Variants in DAB1 observed in about 807,000 individuals in gnomAD.
DAB1 encodes DAB adaptor protein 1, also known as disabled homolog 1.
DAB1 carries 15 observed loss-of-function variants against 64.6 expected under a neutral mutation model. The ratio of observed to expected loss-of-function variants is 0.23; its 90% CI spans 0.16 to 0.36. The LOEUF (loss-of-function observed/expected upper bound fraction) is 0.36, where lower values mean the gene tolerates loss of function less well. DAB1 is among the 10% of genes least tolerant of loss of function. The probability of loss-of-function intolerance (pLI) is 1.00; values close to 1 mark genes in which losing one functional copy is unlikely to be tolerated. For missense variants in DAB1, 596 were observed against 706.7 expected, an observed-to-expected ratio of 0.84 and a Z score of 1.78; for synonymous variants, 235 against 251.9, an observed-to-expected ratio of 0.93 and a Z score of 0.64.
intron 1 of DAB1, among the ~76,000 whole-genome samples, chr1:58,529,043 T>A (rs1233954115): frequency 1.3e-5 from 2 of 152,192 alleles, no homozygotes; most frequent in Non-Finnish European, 2.9e-5. Context: ...CCACATTAAT[T>A]CTTTTAATTT....
At chr1:58,322,853 A>G (rs975059939) in intron 4 of DAB1, among the ~76,000 whole-genome samples, 2 of 152,202 alleles carry the variant, frequency 1.3e-5, no homozygotes, top group Non-Finnish European at 2.9e-5. Context: ...ATGTCCATCA[A>G]TGATAGACTG....
chr1:57,225,906 T>A (rs920575473), intron 2 of DAB1, among the ~76,000 whole-genome samples: 3 of 152,200 alleles, frequency 2.0e-5, no homozygotes, highest in African/African-American at 7.2e-5. Context: ...TAAAAAAATT[T>A]ACATATCACC....
chr1:58,048,966 C>T, intron 5 of DAB1: 1 of 837,882 alleles, frequency 1.2e-6, no homozygotes, highest in Non-Finnish European at 2.0e-6. Flanking sequence ...TTAAAACCAC[C>T]AACAAATACC....
chr1:58,372,289 A>T (rs1644271297), intron 3 of DAB1, among the ~76,000 whole-genome samples: 2 of 152,210 alleles, frequency 1.3e-5, no homozygotes, highest in South Asian at 4.1e-4. Flanking sequence ...GGGCTTTAAG[A>T]TTTAATGACT....
At chr1:57,767,559 G>C (rs1258735960) in intron 6 of DAB1, among the ~76,000 whole-genome samples, 12 of 152,008 alleles carry the variant, frequency 7.9e-5, no homozygotes, top group African/African-American at 2.9e-4. Context: ...GATTCTTCTA[G>C]AGTTTACTAC....
At chr1:57,959,388 G>C (rs1226094591) in intron 5 of DAB1, among the ~76,000 whole-genome samples, 1 of 152,122 alleles carries the variant, frequency 6.6e-6, no homozygotes, top group Non-Finnish European at 1.5e-5. Flanking sequence ...GAAGTAGAGG[G>C]CTTCACATAA....
chr1:58,434,631 A>G (rs822163), intron 3 of DAB1, among the ~76,000 whole-genome samples: 57,988 of 151,984 alleles, frequency 0.38, 11,669 homozygotes, highest in African/African-American at 0.52. Flanking sequence ...CACCATATAG[A>G]TGGCATTTAA....
chr1:57,576,039 T>C (rs371404168), intron 7 of DAB1, among the ~76,000 whole-genome samples: 3 of 152,350 alleles, frequency 2.0e-5, no homozygotes, highest in African/African-American at 7.2e-5. Context: ...CTTAAAATAG[T>C]TCAATTTATG....
intron 7 of DAB1, among the ~76,000 whole-genome samples, chr1:57,441,197 C>G (rs557436041): frequency 6.6e-6 from 1 of 152,346 alleles, no homozygotes; most frequent in South Asian, 2.1e-4. Flanking sequence ...GCAAAGGACA[C>G]AATTTCATTC....
At chr1:57,020,981 T>A (rs1006506382) in intron 11 of DAB1, among the ~76,000 whole-genome samples, 2 of 152,124 alleles carry the variant, frequency 1.3e-5, no homozygotes, top group Non-Finnish European at 2.9e-5. Context: ...CACTTCCCTG[T>A]CTCCTTATCA....
chr1:58,507,984 C>T (rs114006228), intron 2 of DAB1, among the ~76,000 whole-genome samples: 1,590 of 152,184 alleles, frequency 0.01, 37 homozygotes, highest in African/African-American at 0.037. Context: ...GCTACACAAA[C>T]CAAAGGCATA....
chr1:57,173,808 A>ATT (rs36067405), intron 2 of DAB1, among the ~76,000 whole-genome samples: 2 of 149,704 alleles, frequency 1.3e-5, no homozygotes, highest in South Asian at 2.1e-4. Context: ...TAGAGAGTAC[A>ATT]TTTTTTTTTT....
chr1:57,110,680 A>G (rs1447169761), intron 4 of DAB1, among the ~76,000 whole-genome samples: 2 of 152,174 alleles, frequency 1.3e-5, no homozygotes, highest in Non-Finnish European at 2.9e-5. Context: ...AGAGTAAACA[A>G]TCTTTCGTGA....
chr1:58,094,584 C>T (rs558696388), intron 5 of DAB1, among the ~76,000 whole-genome samples: 11 of 152,330 alleles, frequency 7.2e-5, no homozygotes, highest in Non-Finnish European at 1.0e-4. Flanking sequence ...TGAAGTTAAA[C>T]GTAGTATCCT....
In DAB1 at chr1:57,594,267, CTG is replaced by C. The variant is rs777234711; in HGVS notation, n.625+55323_625+55324del. ...CATCTGGAAATGGAAAAGAAGGACT[CTG>C]AGGAGAAAGCACACTCATTTTTCAA... On this transcript the variant is annotated intron_variant and non_coding_transcript_variant, in intron 7 of 20. Transcript: ENST00000485760. Among the ~76,000 whole-genome samples the C allele has an allele frequency of 5.3e-5, 8 of 152,318 alleles. No individual in the cohort carries two copies. The South Asian group carries it at 1.2e-3, about 24-fold the overall frequency.
At chr1:58,348,747 T>C (rs938284719) in intron 3 of DAB1, among the ~76,000 whole-genome samples, 5 of 152,276 alleles carry the variant, frequency 3.3e-5, no homozygotes, top group Admixed American at 6.5e-5. Context: ...TTTACACACG[T>C]TGGGAAGTTT....
chr1:57,063,237 C>A (rs773044841), intron 8 of DAB1, among the ~76,000 whole-genome samples: 1 of 150,890 alleles, frequency 6.6e-6, no homozygotes, highest in African/African-American at 2.4e-5. Flanking sequence ...AGAAGTCATG[C>A]GGTAAAAAAA....
At chr1:57,126,537 G>A (rs1657141755) in intron 4 of DAB1, among the ~76,000 whole-genome samples, 1 of 152,138 alleles carries the variant, frequency 6.6e-6, no homozygotes, top group Non-Finnish European at 1.5e-5. Context: ...GCTAATTAAT[G>A]TTCTCATAGT....
At chr1:57,117,879 G>T (rs1457039064) in intron 4 of DAB1, among the ~76,000 whole-genome samples, 1 of 151,628 alleles carries the variant, frequency 6.6e-6, no homozygotes, top group Non-Finnish European at 1.5e-5. Context: ...TTTGAGGGGG[G>T]TGTGGGGAGG....
Sources: gnomAD v4.1 joint callset for allele counts (sites outside exome capture counted in the v4.1 genomes callset) on GRCh38, gnomAD v4.1.1 for gene constraint, MANE v1.5 for transcripts, NCBI Gene and HGNC (gene_info 2026-07-23, HGNC 2026-07-21) for gene names.